SEMA6D: variants seen among roughly 807,000 people sequenced by gnomAD.
SEMA6D encodes the protein semaphorin 6D.
In SEMA6D, 35 loss-of-function variants were observed where a neutral mutation model predicts 106.6. That is an observed-to-expected ratio of 0.33 (90% CI 0.25 to 0.44). SEMA6D has a LOEUF of 0.44. SEMA6D is among the 20% of genes least tolerant of loss of function. SEMA6D has a pLI of 1.00. For synonymous variants in SEMA6D, 499 were observed against 487.7 expected, an observed-to-expected ratio of 1.02 and a Z score of -0.31; for missense variants, 1,185 against 1,345.9, an observed-to-expected ratio of 0.88 and a Z score of 1.87.
intron 1 of SEMA6D, among the ~76,000 whole-genome samples, chr15:47,318,635 T>A (rs1464367913): frequency 5.0e-5 from 7 of 139,442 alleles, no homozygotes; most frequent in African/African-American, 1.8e-4. Context: ...CCATGGTGTA[T>A]ATGTGCCACA....
At chr15:47,232,526 GGTGTGTGT>G (rs60261871) in intron 1 of SEMA6D, among the ~76,000 whole-genome samples, 33 of 148,134 alleles carry the variant, frequency 2.2e-4, no homozygotes, top group African/African-American at 6.9e-4. Context: ...ATGGGGGGAG[GGTGTGTGT>G]GTGTGTGTGT....
intron 2 of SEMA6D, among the ~76,000 whole-genome samples, chr15:47,449,771 G>A (rs1302856147): frequency 5.9e-5 from 9 of 151,898 alleles, no homozygotes; most frequent in African/African-American, 2.2e-4. Flanking sequence ...TTTAAGAGAC[G>A]TATAATGCAA....
intron 2 of SEMA6D, among the ~76,000 whole-genome samples, chr15:47,445,790 C>G (rs2042010337): frequency 6.6e-6 from 1 of 151,934 alleles, no homozygotes; most frequent in South Asian, 2.1e-4. Flanking sequence ...ATGTCCTCCC[C>G]CTCAGCATAT....
At chr15:47,213,605 G>C (rs1470639383) in intron 1 of SEMA6D, among the ~76,000 whole-genome samples, 2 of 152,056 alleles carry the variant, frequency 1.3e-5, no homozygotes, top group African/African-American at 4.8e-5. Context: ...GCTATCCCCA[G>C]GTTTTTGATT....
At chr15:47,588,727 G>C (rs535161605) in intron 3 of SEMA6D, among the ~76,000 whole-genome samples, 15 of 152,108 alleles carry the variant, frequency 9.9e-5, no homozygotes, top group Non-Finnish European at 1.9e-4. Flanking sequence ...TGGGAGTAGG[G>C]GTTTAGAAGG....
chr15:47,244,497 A>G (rs960980952), intron 1 of SEMA6D, among the ~76,000 whole-genome samples: 4 of 152,280 alleles, frequency 2.6e-5, no homozygotes, highest in Non-Finnish European at 4.4e-5. Flanking sequence ...TCCTCAGAAC[A>G]ATGTTGTGAT....
intron 4 of SEMA6D, among the ~76,000 whole-genome samples, chr15:47,629,959 AT>A (rs1421928003): frequency 6.6e-6 from 1 of 151,974 alleles, no homozygotes; most frequent in East Asian, 1.9e-4. Context: ...ATTGATGGAC[AT>A]TTAGGTTAAT....
chr15:47,507,339 A>ACCC (rs201710301), intron 3 of SEMA6D, among the ~76,000 whole-genome samples: 4 of 118,510 alleles, frequency 3.4e-5, no homozygotes, highest in Non-Finnish European at 7.1e-5. Context: ...CAAGTGGGAC[A>ACCC]CCCCCCCCCA....
At chr15:47,660,197 A>T (rs2077889355) in intron 4 of SEMA6D, among the ~76,000 whole-genome samples, 1 of 44,516 alleles carries the variant, frequency 2.2e-5, no homozygotes, top group Admixed American at 3.7e-4. Flanking sequence ...CAACATAATA[A>T]AAAAAAAAAA....
chr15:47,600,218 T>G (rs1432108590), intron 3 of SEMA6D, among the ~76,000 whole-genome samples: 1 of 152,172 alleles, frequency 6.6e-6, no homozygotes, highest in African/African-American at 2.4e-5. Flanking sequence ...CACAGTGTTG[T>G]TCAAAATATC....
chr15:47,374,863 G>T (rs1038778072), intron 1 of SEMA6D, among the ~76,000 whole-genome samples: 1 of 152,134 alleles, frequency 6.6e-6, no homozygotes, highest in Non-Finnish European at 1.5e-5. Flanking sequence ...GTAAGAAAAT[G>T]GTGGCTAAAA....
chr15:47,342,030 T>G (rs1172266528), intron 1 of SEMA6D, among the ~76,000 whole-genome samples: 1 of 152,084 alleles, frequency 6.6e-6, no homozygotes, highest in Admixed American at 6.6e-5. Flanking sequence ...TTTTTTTCTT[T>G]TTTGTTTGTT....
Position 47,394,567 on chromosome 15 carries a change from A to G in SEMA6D, c.-238-17826A>G, listed in dbSNP as rs1044018369. ...ATTCACTAATCACTTCCCTCACAAA[A>G]AAGGCTGCTTTCAGTTCTTGCTGAC... On this transcript the variant is annotated intron_variant, in intron 1 of 19. Coordinates refer to the SEMA6D transcript ENST00000558014. Among the ~76,000 whole-genome samples, 11 of 152,138 alleles carry G rather than the reference A, an allele frequency of 7.2e-5. 1 individual carries two copies. In the South Asian group the frequency reaches 2.3e-3, roughly 32 times the overall value.
At chr15:47,763,381 A>C (rs2082166562) in intron 9 of SEMA6D, among the ~76,000 whole-genome samples, 1 of 152,074 alleles carries the variant, frequency 6.6e-6, no homozygotes, top group African/African-American at 2.4e-5. Flanking sequence ...TGAGCTACGG[A>C]TGCTTTTTTT....
chr15:47,723,992 A>G (rs540584535), intron 1 of SEMA6D, among the ~76,000 whole-genome samples: 33 of 152,308 alleles, frequency 2.2e-4, no homozygotes, highest in Admixed American at 1.8e-3. Flanking sequence ...AGAAAATAAC[A>G]CTTCTACTCC....
At chr15:47,737,932 A>G (rs1452063384) in intron 1 of SEMA6D, among the ~76,000 whole-genome samples, 1 of 152,108 alleles carries the variant, frequency 6.6e-6, no homozygotes, top group African/African-American at 2.4e-5. Flanking sequence ...CAACTTTACC[A>G]GTATTATCTT....
At chr15:47,645,257 C>T (rs889234946) in intron 4 of SEMA6D, among the ~76,000 whole-genome samples, 3 of 152,146 alleles carry the variant, frequency 2.0e-5, no homozygotes, top group African/African-American at 2.4e-5. Flanking sequence ...GGAAAATGAG[C>T]GTCACTTCTT....
At chr15:47,313,082 A>G (rs2036510643) in intron 1 of SEMA6D, among the ~76,000 whole-genome samples, 1 of 152,168 alleles carries the variant, frequency 6.6e-6, no homozygotes, top group Non-Finnish European at 1.5e-5. Context: ...CATCTCCACA[A>G]GAATGGTATG....
chr15:47,464,456 C>T (rs1034488865), intron 2 of SEMA6D, among the ~76,000 whole-genome samples: 2 of 152,048 alleles, frequency 1.3e-5, no homozygotes, highest in Non-Finnish European at 1.5e-5. Flanking sequence ...CTGCCTCATG[C>T]CGAACCACTG....
Sources: allele counts gnomAD v4.1 joint callset (sites outside exome capture counted in the v4.1 genomes callset), GRCh38; gene constraint gnomAD v4.1.1; transcripts MANE v1.5; gene names NCBI Gene and HGNC (gene_info 2026-07-23, HGNC 2026-07-21).